Variants in EPHA6 observed in about 807,000 individuals in gnomAD.
EPHA6 encodes ephrin type-A receptor 6.
In EPHA6, 50 loss-of-function variants were observed where a neutral mutation model predicts 112.0. The observed-to-expected ratio is 0.45, with a 90% CI of 0.36 to 0.56. The LOEUF is 0.56. Among genes scored for constraint, EPHA6 ranks in the 20% least tolerant of loss-of-function variants. The pLI is 0.00. For missense variants in EPHA6, 1,280 were observed against 1,417.4 expected (o/e 0.90, Z 1.56); for synonymous variants, 529 against 490.7 (o/e 1.08, Z -1.03).
rs1412629735 is a variant in EPHA6 at position 97,761,260 on chromosome 3, T to G, written c.*12559T>G. 2.0e-5 allele frequency: 4 copies of G among 195,718 alleles called. No individual in the cohort carries two copies. The highest frequency in any genetic ancestry group is 4.2e-5 in the Non-Finnish European group (4 of 94,226). The allele number at this position is 195,718 out of a possible 1,614,324, so 12.1% of individuals were successfully genotyped here. ...TTCATGTGCTGGCATGCTTACAAGT[T>G]AATAGTGTTATAGAATGCTCAGCTC... On this transcript the variant is annotated 3_prime_UTR_variant, in exon 18 of 18. Transcript: ENST00000389672.
At chr3:97,237,917 T>C (rs1036767682) in intron 4 of EPHA6, among the ~76,000 whole-genome samples, 1 of 152,014 alleles carries the variant, frequency 6.6e-6, no homozygotes, top group Non-Finnish European at 1.5e-5. Flanking sequence ...TATATTTAAG[T>C]GCTCTTTTTC....
chr3:97,691,884 C>T (rs943987950), intron 14 of EPHA6, among the ~76,000 whole-genome samples: 4 of 152,140 alleles, frequency 2.6e-5, no homozygotes, highest in South Asian at 2.1e-4. Context: ...CTTTTAAATA[C>T]AAAAACTTAT....
At chr3:96,962,880 C>T (rs1027275994) in intron 2 of EPHA6, among the ~76,000 whole-genome samples, 8 of 151,986 alleles carry the variant, frequency 5.3e-5, no homozygotes, top group Admixed American at 2.0e-4. Context: ...ATTTCAGGCA[C>T]GGTGGCTCAA....
At chr3:97,652,496 G>T (rs761191303) in intron 14 of EPHA6, among the ~76,000 whole-genome samples, 1 of 151,970 alleles carries the variant, frequency 6.6e-6, no homozygotes, top group Non-Finnish European at 1.5e-5. Flanking sequence ...ACTATCCTTG[G>T]ACACTTAAGT....
chr3:97,554,180 A>T (rs1229151212), intron 11 of EPHA6, among the ~76,000 whole-genome samples: 1 of 152,122 alleles, frequency 6.6e-6, no homozygotes, highest in Non-Finnish European at 1.5e-5. Context: ...CTTCTATTTG[A>T]ACAAAACAAA....
chr3:97,687,346 C>T (rs2032328267), intron 14 of EPHA6, among the ~76,000 whole-genome samples: 1 of 152,068 alleles, frequency 6.6e-6, no homozygotes. Flanking sequence ...TATAGAAGTA[C>T]AAGTAGTTAT....
chr3:96,858,946 C>G (rs1406233945), intron 1 of EPHA6, among the ~76,000 whole-genome samples: 12 of 152,258 alleles, frequency 7.9e-5, no homozygotes, highest in African/African-American at 2.4e-4. Flanking sequence ...AACTACATCT[C>G]AGAAGATCAT....
intron 10 of EPHA6, among the ~76,000 whole-genome samples, chr3:97,494,714 A>G (rs1183706447): frequency 6.6e-6 from 1 of 152,018 alleles, no homozygotes; most frequent in Non-Finnish European, 1.5e-5. Context: ...CTTCCTTATA[A>G]CTCCGTACAT....
At chr3:97,457,278 A>G (rs1168421026) in intron 7 of EPHA6, among the ~76,000 whole-genome samples, 2 of 152,180 alleles carry the variant, frequency 1.3e-5, no homozygotes, top group Non-Finnish European at 2.9e-5. Flanking sequence ...GCGATGATAT[A>G]TAAATGTGGT....
intron 1 of EPHA6, among the ~76,000 whole-genome samples, chr3:96,848,835 T>C (rs1388446839): frequency 6.6e-6 from 1 of 152,152 alleles, no homozygotes; most frequent in African/African-American, 2.4e-5. Context: ...TGAATAGCTT[T>C]ATGCTTATAT....
At chr3:97,219,494 C>T (rs971769432) in intron 3 of EPHA6, among the ~76,000 whole-genome samples, 5 of 152,208 alleles carry the variant, frequency 3.3e-5, no homozygotes, top group Admixed American at 6.5e-5. Context: ...AAGCTGCCAA[C>T]GCTTGGGGAT....
At chr3:97,683,203 A>T (rs1477773023) in intron 14 of EPHA6, among the ~76,000 whole-genome samples, 3 of 152,142 alleles carry the variant, frequency 2.0e-5, no homozygotes, top group Non-Finnish European at 2.9e-5. Flanking sequence ...CTCAGATTTC[A>T]TTGGCTTCAT....
intron 14 of EPHA6, among the ~76,000 whole-genome samples, chr3:97,716,315 T>A (rs1277320077): frequency 1.6e-5 from 2 of 125,142 alleles, no homozygotes; most frequent in Non-Finnish European, 3.0e-5. Flanking sequence ...ACGCCTGTAA[T>A]CCCAGCACTT....
chr3:96,984,593 C>T (rs1429186601), intron 2 of EPHA6, among the ~76,000 whole-genome samples: 1 of 152,178 alleles, frequency 6.6e-6, no homozygotes, highest in Non-Finnish European at 1.5e-5. Flanking sequence ...CAGACAGGGA[C>T]ATTTAAGTCT....
intron 3 of EPHA6, among the ~76,000 whole-genome samples, chr3:97,186,796 T>C (rs1436831702): frequency 6.6e-6 from 1 of 152,156 alleles, no homozygotes; most frequent in Non-Finnish European, 1.5e-5. Context: ...TGTCAAATAC[T>C]GTCAAATACA....
intron 5 of EPHA6, among the ~76,000 whole-genome samples, chr3:97,337,981 T>G (rs2083137145): frequency 6.6e-6 from 1 of 152,160 alleles, no homozygotes; most frequent in African/African-American, 2.4e-5. Flanking sequence ...AACTCTCAGA[T>G]TTCCAAGTGA....
intron 3 of EPHA6, among the ~76,000 whole-genome samples, chr3:97,100,378 AC>A (rs1559728351): frequency 6.6e-6 from 1 of 151,642 alleles, no homozygotes; most frequent in African/African-American, 2.4e-5. Context: ...AGACAAATTA[AC>A]AAAGAGACAT....
intron 12 of EPHA6, among the ~76,000 whole-genome samples, chr3:97,594,065 G>A (rs1417078961): frequency 6.6e-6 from 1 of 152,186 alleles, no homozygotes; most frequent in Non-Finnish European, 1.5e-5. Context: ...TAGCTTTCAT[G>A]TATAATTAAT....
chr3:97,379,358 A>T (rs901471944), intron 5 of EPHA6, among the ~76,000 whole-genome samples: 4 of 152,190 alleles, frequency 2.6e-5, no homozygotes, highest in Non-Finnish European at 5.9e-5. Flanking sequence ...CTTCAGAACT[A>T]GGAGAAATAA....
Sources: allele counts gnomAD v4.1 joint callset (sites outside exome capture counted in the v4.1 genomes callset), GRCh38; gene constraint gnomAD v4.1.1; transcripts MANE v1.5; gene names NCBI Gene and HGNC (gene_info 2026-07-23, HGNC 2026-07-21).